Variants in TENM3 observed in about 807,000 individuals in gnomAD.
The protein encoded by TENM3 is teneurin-3.
Under a neutral mutation model 255.1 loss-of-function variants are expected in TENM3, and 63 were observed. That is an observed-to-expected ratio of 0.25 (90% CI 0.20 to 0.30). TENM3 has a LOEUF of 0.30. TENM3 is among the 10% of genes least tolerant of loss of function. The pLI is 1.00. For missense variants in TENM3, 2,929 were observed against 3,461.1 expected (o/e 0.85, Z 3.86); for synonymous variants, 1,306 against 1,322.3 (o/e 0.99, Z 0.27).
chr4:181,833,747 G>C, the TENM3 span, among the ~76,000 whole-genome samples: 1 of 151,442 alleles, frequency 6.6e-6, no homozygotes, highest in African/African-American at 2.4e-5. Flanking sequence ...GACATAATTA[G>C]TCACGTTCTT....
At chr4:181,613,105 C>T in the TENM3 span, among the ~76,000 whole-genome samples, 21 of 152,148 alleles carry the variant, frequency 1.4e-4, 1 homozygote, top group Admixed American at 1.4e-3. Flanking sequence ...GAATTCACGC[C>T]TTTGTGAATG....
At chr4:182,214,621 C>A (rs946983414) in intron 1 of TENM3, among the ~76,000 whole-genome samples, 1 of 151,968 alleles carries the variant, frequency 6.6e-6, no homozygotes, top group Non-Finnish European at 1.5e-5. Context: ...CTCCCTCAGC[C>A]TCCCCAAGTG....
intron 3 of TENM3, among the ~76,000 whole-genome samples, chr4:182,420,321 T>C (rs575532756): frequency 1.3e-5 from 2 of 152,320 alleles, no homozygotes; most frequent in Non-Finnish European, 2.9e-5. Flanking sequence ...CAGCGGTTGA[T>C]GCAGTTTCAG....
chr4:181,532,764 A>G, the TENM3 span, among the ~76,000 whole-genome samples: 1,207 of 152,276 alleles, frequency 7.9e-3, 16 homozygotes, highest in African/African-American at 0.028. Flanking sequence ...TACAAGAATG[A>G]CCATAAATGG....
At chr4:182,027,628 T>C in the TENM3 span, among the ~76,000 whole-genome samples, 1 of 151,978 alleles carries the variant, frequency 6.6e-6, no homozygotes, top group Non-Finnish European at 1.5e-5. Flanking sequence ...ATGGCTTTTA[T>C]TATGCATGTT....
chr4:181,536,169 GT>G, the TENM3 span, among the ~76,000 whole-genome samples: 1 of 152,106 alleles, frequency 6.6e-6, no homozygotes, highest in South Asian at 2.1e-4. Context: ...CAATCTTAGG[GT>G]CCCACCTATT....
chr4:182,086,893 A>G, the TENM3 span, among the ~76,000 whole-genome samples: 1 of 152,182 alleles, frequency 6.6e-6, no homozygotes, highest in Non-Finnish European at 1.5e-5. Flanking sequence ...AACTTTGCCA[A>G]TCGCTCACTG....
chr4:182,539,014 C>T (rs1055923391), intron 3 of TENM3, among the ~76,000 whole-genome samples: 2 of 151,600 alleles, frequency 1.3e-5, no homozygotes, highest in Admixed American at 6.6e-5. Flanking sequence ...CTATGGATAT[C>T]GGTGTTATAA....
rs905498465 is a variant in TENM3 at position 182,743,358 on chromosome 4, G to A, written c.3568G>A (p.Asp1190Asn). 3.1e-6 allele frequency: 5 copies of A among 1,613,822 alleles called. No homozygotes were observed. The highest frequency in any genetic ancestry group is 2.5e-6 in the Non-Finnish European group (3 of 1,179,868). ...CGIDGSLYVG[D>N]FNYVRRIFPS... ...GATCGATGGCAGTCTGTACGTAGGC[G>A]ATTTCAACTATGTGCGGCGGATATT... The change falls in exon 19 of 28, where the codon GAT (aspartate) becomes AAT (asparagine). Residue 1190 changes from aspartate (D) to asparagine (N), a missense_variant. Physicochemically the swap from Asp to Asn is conservative, Grantham distance 23 (BLOSUM62 1). Coordinates refer to ENST00000511685, the MANE Select transcript of TENM3 (RefSeq NM_001080477.4).
the TENM3 span, among the ~76,000 whole-genome samples, chr4:182,122,371 T>C: frequency 6.6e-6 from 1 of 152,216 alleles, no homozygotes; most frequent in Non-Finnish European, 1.5e-5. Flanking sequence ...TAAAAATCTA[T>C]GGCAGTGACA....
intron 3 of TENM3, among the ~76,000 whole-genome samples, chr4:182,473,655 A>G (rs973378665): frequency 7.2e-5 from 11 of 152,116 alleles, no homozygotes; most frequent in African/African-American, 2.7e-4. Context: ...CCTGGGCGAC[A>G]GAGCGAGACT....
Position 182,737,006 on chromosome 4 carries a change from G to T in TENM3, c.3166G>T (p.Ala1056Ser). The T allele has an allele frequency of 6.2e-7, 1 of 1,613,752 alleles. No homozygotes were observed. The highest frequency in any genetic ancestry group is 2.2e-5 in the East Asian group (1 of 44,856). ...QKWFPASPNL[A>S]YTFIWDKTDA... Reference sequence around the variant, plus strand: ...GTGGTTTCCTGCCTCACCAAACTTGGCCTATACTTTCATATGGGATAAAAC... The same window carrying T: ...GTGGTTTCCTGCCTCACCAAACTTGTCCTATACTTTCATATGGGATAAAAC... Residue 1056 changes from alanine (A) to serine (S), a missense_variant, in exon 17 of 28, where the codon GCC (alanine) becomes TCC (serine). Coordinates refer to ENST00000511685, the MANE Select transcript of TENM3 (RefSeq NM_001080477.4).
the TENM3 span, among the ~76,000 whole-genome samples, chr4:182,030,052 TTTGTTG>T: frequency 3.4e-4 from 46 of 134,792 alleles, no homozygotes; most frequent in African/African-American, 4.8e-4. Flanking sequence ...TCAATGCATC[TTTGTTG>T]TTGTTGTTGT....
At chr4:182,071,967 C>A in the TENM3 span, among the ~76,000 whole-genome samples, 2,207 of 152,106 alleles carry the variant, frequency 0.015, 23 homozygotes, top group Non-Finnish European at 0.024. Flanking sequence ...ACAAAAAAAA[C>A]ACTAACCTTT....
At chr4:181,992,027 G>C in the TENM3 span, among the ~76,000 whole-genome samples, 1 of 152,072 alleles carries the variant, frequency 6.6e-6, no homozygotes, top group Non-Finnish European at 1.5e-5. Context: ...CTCAAATGGA[G>C]ATCTGGCTTC....
chr4:182,592,886 C>A (rs1473086066), intron 3 of TENM3, among the ~76,000 whole-genome samples: 1 of 152,160 alleles, frequency 6.6e-6, no homozygotes, highest in Non-Finnish European at 1.5e-5. Context: ...TTTTAGGACA[C>A]AGAAATGAAG....
rs1561168070 is a variant in TENM3, at chr4:182,175,313, A to AT, written c.-76+30559_-76+30560insT. ...CTGCTCTGCTTCATTAAAAAAAAAA[A>AT]AATATATATATATATATATATACAC... is the stretch of plus-strand genomic sequence containing the variant. On this transcript the variant is annotated intron_variant, in intron 1 of 2. Coordinates refer to the TENM3 transcript ENST00000512480. Among the ~76,000 whole-genome samples, 770 of 82,580 alleles carry AT rather than the reference A, an allele frequency of 9.3e-3. 3 individuals carry two copies. The highest frequency in any genetic ancestry group is 0.023 in the African/African-American group (576 of 25,372). The allele number at this position is 82,580 out of a possible 152,430, so 54.2% of individuals were successfully genotyped here.
At chr4:182,180,530 A>G (rs1752775769) in intron 1 of TENM3, among the ~76,000 whole-genome samples, 1 of 152,114 alleles carries the variant, frequency 6.6e-6, no homozygotes, top group Non-Finnish European at 1.5e-5. Flanking sequence ...TTTAATTTAG[A>G]TGAGTTTCAT....
At chr4:181,525,475 C>A in the TENM3 span, among the ~76,000 whole-genome samples, 1 of 150,344 alleles carries the variant, frequency 6.7e-6, no homozygotes, top group Admixed American at 6.6e-5. Context: ...CTCCCCCTGA[C>A]TTTTGAAGGG....
Sources: gnomAD v4.1 joint callset for allele counts (sites outside exome capture counted in the v4.1 genomes callset) on GRCh38, gnomAD v4.1.1 for gene constraint, MANE v1.5 for transcripts, NCBI Gene and HGNC (gene_info 2026-07-23, HGNC 2026-07-21) for gene names.